The following RIF1 variants were observed in gnomAD, a reference collection of about 807,000 sequenced individuals.
RIF1 encodes the protein telomere-associated protein RIF1.
A neutral mutation model predicts 247.1 loss-of-function variants in RIF1; 45 were observed. The observed-to-expected ratio is 0.18, with a 90% CI of 0.14 to 0.23. The LOEUF (loss-of-function observed/expected upper bound fraction) is 0.23. Among genes scored for constraint, RIF1 ranks in the 10% least tolerant of loss-of-function variants. The pLI is 1.00. For missense variants in RIF1, 2,967 were observed against 2,862.5 expected (o/e 1.04, Z -0.83); for synonymous variants, 1,087 against 978.8 (o/e 1.11, Z -2.06).
chr2:151,425,005 C>G (rs1476317338), intron 8 of RIF1, among the ~76,000 whole-genome samples: 1 of 151,866 alleles, frequency 6.6e-6, no homozygotes, highest in African/African-American at 2.4e-5. Flanking sequence ...TAGCAGCTGC[C>G]CCATTTTACA....
At chr2:151,518,517 G>C in the RIF1 span, 635 of 768,982 alleles carry the variant, frequency 8.3e-4, 8 homozygotes, top group East Asian at 0.012. Flanking sequence ...CAGCACCATT[G>C]TCAAGATCAA....
At chr2:151,493,934 G>C in intron 9 of RIF1, 1 of 1,160,830 alleles carries the variant, frequency 8.6e-7, no homozygotes, top group Admixed American at 2.7e-5. Context: ...TATATTGCAA[G>C]TTGGGGGGAA....
chr2:151,429,192 A>C (rs535377745), intron 9 of RIF1, among the ~76,000 whole-genome samples: 37 of 152,138 alleles, frequency 2.4e-4, no homozygotes, highest in African/African-American at 8.4e-4. Flanking sequence ...TTATTTATTT[A>C]TTTATTTTTT....
chr2:151,460,849 T>C (rs927548000), intron 26 of RIF1, among the ~76,000 whole-genome samples: 1 of 152,226 alleles, frequency 6.6e-6, no homozygotes, highest in African/African-American at 2.4e-5. Flanking sequence ...TCCTGCCAAA[T>C]CAGTTCATTT....
At position 151,410,528 on chromosome 2, in the gene RIF1, G is replaced by T; in HGVS notation, c.104+1G>T. 6.2e-7 allele frequency: 1 copy of T among 1,612,824 alleles called. No homozygotes were observed. Among genetic ancestry groups the T allele is most frequent in the Non-Finnish European group, 8.5e-7 (1 of 1,179,112 alleles). On this transcript the variant is annotated splice_donor_variant, in intron 2 of 35. Transcript: ENST00000444746. LOFTEE classifies it high-confidence loss of function. ...CTGACGCTTACCTGACTCTGACCAG[G>T]TGAGGTCCGCCACGGGGCGTAGCGG...
chr2:151,529,428 C>T, the RIF1 span: 33 of 717,792 alleles, frequency 4.6e-5, no homozygotes, highest in Middle Eastern at 3.0e-4. Context: ...CTCCTTAAGA[C>T]GGAATTTTAA....
chr2:151,445,373 T>G lies in RIF1; in HGVS notation c.2022T>G (p.His674Gln). Residue 674 changes from histidine (H) to glutamine (Q), a missense_variant, in exon 19 of 36, where the codon CAT becomes CAG. Around this residue, in one of 7 missense-constraint regions of RIF1, gnomAD observed 76 missense variants for 113.3 expected, o/e 0.67. Coordinates refer to ENST00000444746, the MANE Select transcript of RIF1 (RefSeq NM_018151.5). ...TAAATCAAGGTGATGCCTTAGAACA[T>G]AATTTTAGTGCCATCTATGGTGCAT... is the stretch of plus-strand genomic sequence containing the variant. ...NEVNQGDALE[H>Q]NFSAIYGALT... The G allele has an allele frequency of 6.2e-7, 1 of 1,609,514 alleles. No individual in the cohort carries two copies. Among genetic ancestry groups the G allele is most frequent in the Non-Finnish European group, 8.5e-7 (1 of 1,175,836 alleles).
In RIF1 at chr2:151,416,550, T is replaced by C. The variant is rs1687258460; in HGVS notation, c.281-11T>C. ...CTATTCTATACAAAATTAAAACTGC[T>C]TGTTTTTCAGAGGCAAATGCTCTAG... On this transcript the variant is annotated splice_polypyrimidine_tract_variant and intron_variant, in intron 4 of 35. Coordinates refer to ENST00000444746, the MANE Select transcript of RIF1 (RefSeq NM_018151.5). The C allele has an allele frequency of 1.3e-6, 2 of 1,580,876 alleles. No homozygotes were observed. The highest frequency in any genetic ancestry group is 1.2e-5 in the South Asian group (1 of 85,748).
In RIF1 at chr2:151,454,907, C is replaced by T. The variant is rs997080317; in HGVS notation, c.2357C>T (p.Pro786Leu). 3 of 1,603,828 alleles carry T rather than the reference C, an allele frequency of 1.9e-6. No homozygotes were observed. Among genetic ancestry groups the T allele is most frequent in the Admixed American group, 1.7e-5 (1 of 58,642 alleles). Residue 786 changes from proline to leucine, a missense_variant, in exon 22 of 36, where the codon CCT becomes CTT. Pro to Leu is a moderately conservative substitution (Grantham distance 98, BLOSUM62 -3). This residue lies in a region of RIF1 where 2,028 missense variants were observed against 1,825.6 expected (regional missense o/e 1.11). Transcript: ENST00000444746. ...YQPKVKSPQR[P>L]SDWSKKKNEP... ...TTTTTGTTTTTAGCACCACAGAGAC[C>T]TTCAGATTGGTCCAAAAAGAAGAAT...
Position 151,437,111 on chromosome 2 carries a change from G to C in RIF1, c.1372+108G>C, listed in dbSNP as rs537874806. 5 of 1,198,870 alleles carry C rather than the reference G, an allele frequency of 4.2e-6. No homozygotes were observed. In the Admixed American group the frequency reaches 1.2e-4, roughly 30 times the overall value. The allele number at this position is 1,198,870 out of a possible 1,614,324, so 74.3% of individuals were successfully genotyped here. ...GTCGCAGCCAAAATATTTTACAGTT[G>C]TGTATGAAATATGAATCTTTTTTTT... On this transcript the variant is annotated intron_variant, in intron 12 of 35. Transcript: ENST00000444746.
In RIF1 at chr2:151,464,143, A is replaced by C; in HGVS notation, c.4623A>C (p.Ala1541=). Residue 1541 remains alanine (A), a synonymous_variant, in exon 30 of 36, where the codon GCA becomes GCC. Transcript: ENST00000444746. ...RGRTRYQTRR[A]SQGLLSSIEN... The stretch of plus-strand genomic sequence containing the variant: ...GAACACGGTATCAAACTAGAAGAGC[A>C]TCTCAGGGTTTGCTTTCCAGCATTG... The C allele has an allele frequency of 6.2e-7, 1 of 1,610,210 alleles. No individual in the cohort carries two copies. Among genetic ancestry groups the C allele is most frequent in the South Asian group, 1.1e-5 (1 of 90,142 alleles).
At chr2:151,531,702 C>T in the RIF1 span, 1 of 979,560 alleles carries the variant, frequency 1.0e-6, no homozygotes, top group Non-Finnish European at 1.6e-6. Flanking sequence ...TGGCAGTAGT[C>T]TCCCAGACTT....
At position 151,475,079 on chromosome 2, in the gene RIF1, A is replaced by G. The variant is rs1248786149; in HGVS notation, c.*8A>G. ...CATGAAAATTCTATTTAGTATTTTC[A>G]GAGAAAATTGAAGGTTTTTTTAAAC... On this transcript the variant is annotated 3_prime_UTR_variant, in exon 36 of 36. Transcript: ENST00000444746. The G allele has an allele frequency of 4.4e-6, 7 of 1,585,568 alleles. No individual in the cohort carries two copies. In the East Asian group the frequency reaches 1.3e-4, roughly 30 times the overall value.
Position 151,415,143 on chromosome 2 carries a change from C to T in RIF1, c.280+224C>T, listed in dbSNP as rs1380233951. Among the ~76,000 whole-genome samples the T allele has an allele frequency of 2.6e-5, 4 of 151,292 alleles. No homozygotes were observed. The South Asian group carries it at 6.3e-4, about 24-fold the overall frequency. On this transcript the variant is annotated intron_variant, in intron 4 of 35. Transcript: ENST00000444746. ...CGGGTGGATCATGAGGTCAGGAGAT[C>T]GAGACCATCCTGGCTAACATGGTGA...
the RIF1 span, among the ~76,000 whole-genome samples, chr2:151,531,636 G>T: frequency 6.6e-6 from 1 of 151,992 alleles, no homozygotes; most frequent in African/African-American, 2.4e-5. Context: ...CTTTATTGGG[G>T]AGGAGAATCC....
At chr2:151,445,526 A>G (rs756440613) in intron 19 of RIF1, 81 bp downstream of exon 19, 6 of 793,976 alleles carry the variant, frequency 7.6e-6, no homozygotes, top group Admixed American at 4.3e-5. Context: ...ATCAGCTTCC[A>G]CAATGATTTG....
chr2:151,418,316 T>G (rs1389079020), intron 6 of RIF1, among the ~76,000 whole-genome samples: 1 of 152,202 alleles, frequency 6.6e-6, no homozygotes, highest in African/African-American at 2.4e-5. Context: ...GTAATTCTTG[T>G]GCCTCAGCTT....
downstream of RIF1, chr2:151,486,750 C>T (rs1045416604): frequency 6.6e-6 from 1 of 152,172 alleles, no homozygotes; most frequent in Admixed American, 6.5e-5. Context: ...GGACGCCATG[C>T]ACCAAGGTCA....
chr2:151,439,487 A>G (rs1691849150), intron 14 of RIF1, among the ~76,000 whole-genome samples: 2 of 151,424 alleles, frequency 1.3e-5, no homozygotes, highest in Non-Finnish European at 2.9e-5. Flanking sequence ...CAACATGGAG[A>G]AACCCTGCCT....
Sources: allele counts gnomAD v4.1 joint callset (sites outside exome capture counted in the v4.1 genomes callset), GRCh38; gene constraint gnomAD v4.1.1; regional missense constraint gnomAD v4.1.1; transcripts MANE v1.5; gene names NCBI Gene and HGNC (gene_info 2026-07-23, HGNC 2026-07-21).